PPIL2: variants seen among roughly 807,000 people sequenced by gnomAD.
PPIL2 encodes RING-type E3 ubiquitin-protein ligase PPIL2.
PPIL2 carries 50 observed loss-of-function variants against 75.2 expected under a neutral mutation model. The observed-to-expected ratio is 0.66, with a 90% CI of 0.53 to 0.84. PPIL2 has a LOEUF of 0.84. Among genes scored for constraint, PPIL2 ranks in the 40% least tolerant of loss-of-function variants. PPIL2 has a pLI of 0.00. For synonymous variants in PPIL2, 245 were observed against 258.8 expected (o/e 0.95, Z 0.51); for missense variants, 590 against 685.0 (o/e 0.86, Z 1.55).
At chr22:21,669,351 G>A (rs1224731982) in intron 1 of PPIL2, 2 of 452,800 alleles carry the variant, frequency 4.4e-6, no homozygotes, top group Admixed American at 4.7e-5. Context: ...TTCTCGCTTT[G>A]TTGCCCCAGC....
At chr22:21,694,485 C>T in intron 16 of PPIL2, 108 bp from the exon 17 acceptor site, 1 of 1,283,344 alleles carries the variant, frequency 7.8e-7, no homozygotes, top group East Asian at 2.4e-5. Flanking sequence ...CAAGGACCAC[C>T]AGGCCAGCCT....
At chr22:21,678,595 C>T (rs887142881) in intron 6 of PPIL2, among the ~76,000 whole-genome samples, 2 of 152,204 alleles carry the variant, frequency 1.3e-5, no homozygotes, top group African/African-American at 4.8e-5. Context: ...ATACGCCTCC[C>T]CTGTGCCCAT....
chr22:21,668,362 C>T (rs986578781), intron 1 of PPIL2, among the ~76,000 whole-genome samples: 2 of 151,790 alleles, frequency 1.3e-5, no homozygotes, highest in East Asian at 4.0e-4. Flanking sequence ...CACGGTGGCT[C>T]ACACCTGTAA....
intron 1 of PPIL2, among the ~76,000 whole-genome samples, chr22:21,668,604 G>A (rs1235190699): frequency 6.8e-6 from 1 of 147,530 alleles, no homozygotes; most frequent in Non-Finnish European, 1.5e-5. Flanking sequence ...ACTCCAGCCT[G>A]GGCAGCGAGC....
At chr22:21,692,523 T>C (rs35122624) in intron 15 of PPIL2, among the ~76,000 whole-genome samples, 52,133 of 150,916 alleles carry the variant, frequency 0.35, 9,273 homozygotes, top group East Asian at 0.43. Context: ...CTTGTTGCTT[T>C]CTAGTTACCA....
intron 19 of PPIL2, 156 bp downstream of exon 19, chr22:21,695,226 G>T: frequency 7.5e-7 from 1 of 1,342,256 alleles, no homozygotes; most frequent in Non-Finnish European, 9.9e-7. Flanking sequence ...GACTGCCTCT[G>T]AAGGCCTGGC....
intron 12 of PPIL2, 27 bp from the exon 13 acceptor site, chr22:21,687,616 C>A: frequency 4.8e-6 from 5 of 1,033,584 alleles, no homozygotes; most frequent in Non-Finnish European, 7.0e-6. Context: ...CTCTCTGCTT[C>A]ATACAAGTAT....
chr22:21,693,914 T>C lies in PPIL2; in HGVS notation c.1196+42T>C, dbSNP rs760526943. ...TGTGAAGCCTGGGGGGTCAGTGGGC[T>C]AGGTGGGTTCCTTCCCCACCTGAGG... On this transcript the variant is annotated intron_variant, in intron 16 of 19. Coordinates refer to ENST00000398831, the MANE Select transcript of PPIL2 (RefSeq NM_014337.4). The C allele has an allele frequency of 6.6e-6, 10 of 1,520,772 alleles. No homozygotes were observed. The Admixed American group carries it at 1.7e-4, about 25-fold the overall frequency. The allele number at this position is 1,520,772 out of a possible 1,614,324, so 94.2% of individuals were successfully genotyped here.
chr22:21,674,874 T>C (rs1048915889), intron 5 of PPIL2, among the ~76,000 whole-genome samples, 190 bp from the exon 6 acceptor site: 3 of 152,172 alleles, frequency 2.0e-5, no homozygotes, highest in African/African-American at 7.2e-5. Context: ...GGGTGCCACA[T>C]AAACACAACT....
Position 21,695,080 on chromosome 22 carries a change from G to A in PPIL2, c.1466+10G>A, listed in dbSNP as rs861820. On this transcript the variant is annotated intron_variant, in intron 19 of 19. Coordinates refer to ENST00000398831, the MANE Select transcript of PPIL2 (RefSeq NM_014337.4). Reference sequence around the variant, plus strand: ...TCAACCCAGCAGCCACGTGAGTGCCGCGGGGCTGGCCTCCCTGTTTCCCAT... The same window carrying A: ...TCAACCCAGCAGCCACGTGAGTGCCACGGGGCTGGCCTCCCTGTTTCCCAT... 9.4e-6 allele frequency: 15 copies of A among 1,593,142 alleles called. No individual in the cohort carries two copies. Among genetic ancestry groups the A allele is most frequent in the Middle Eastern group, 1.7e-4 (1 of 5,802 alleles).
At chr22:21,666,250 C>T in intron 1 of PPIL2, 119 bp downstream of exon 1, 2 of 1,215,290 alleles carry the variant, frequency 1.6e-6, no homozygotes, top group Non-Finnish European at 2.3e-6. Flanking sequence ...CCAAAGGTCA[C>T]TTCCTCCCGG....
At chr22:21,668,449 A>AC (rs2066479569) in intron 1 of PPIL2, among the ~76,000 whole-genome samples, 1 of 150,970 alleles carries the variant, frequency 6.6e-6, no homozygotes, top group South Asian at 2.1e-4. Flanking sequence ...ACACGGTGAA[A>AC]CCCCATCTCT....
In PPIL2 at chr22:21,682,433, A is replaced by G. The variant is rs2067166627; in HGVS notation, c.388-4A>G. On this transcript the variant is annotated splice_polypyrimidine_tract_variant and splice_region_variant and intron_variant, in intron 7 of 19. Transcript: ENST00000398831. ...ATCGTAAAACCACTTCCTCCTGGCT[A>G]TAGGCAGTGGAACAGCTAAATATCA... is the stretch of plus-strand genomic sequence containing the variant. 9 of 1,612,888 alleles carry G rather than the reference A, an allele frequency of 5.6e-6. No individual in the cohort carries two copies. The East Asian group carries it at 1.3e-4, about 24-fold the overall frequency.
chr22:21,673,915 G>C (rs1018782868), intron 5 of PPIL2, among the ~76,000 whole-genome samples: 6 of 151,774 alleles, frequency 4.0e-5, no homozygotes, highest in African/African-American at 1.5e-4. Context: ...GCCCTCTGGT[G>C]GTCTCCTCCA....
intron 14 of PPIL2, 115 bp from the exon 15 acceptor site, chr22:21,688,617 C>A: frequency 2.0e-6 from 2 of 979,442 alleles, no homozygotes; most frequent in Non-Finnish European, 3.2e-6. Flanking sequence ...TATCAAGTGC[C>A]CCTGCCCCAG....
At position 21,696,602 on chromosome 22, in the gene PPIL2, T is replaced by C. The variant is rs1390889494; in HGVS notation, c.*1112T>C. ...GCCAGTGGTCAGTGTTCTCATGTCA[T>C]GGACTCTCCTTGCCTGACACTTGCC... On this transcript the variant is annotated 3_prime_UTR_variant, in exon 20 of 20. Coordinates refer to ENST00000398831, the MANE Select transcript of PPIL2 (RefSeq NM_014337.4). 36 of 1,473,752 alleles carry C rather than the reference T, an allele frequency of 2.4e-5. No individual in the cohort carries two copies. The South Asian group carries it at 3.0e-4, about 12-fold the overall frequency. 91.3% of individuals were successfully genotyped at this position (1,473,752 alleles called of 1,614,324 possible).
rs570158301 is a variant in PPIL2, at chr22:21,692,413, C to A, written c.1140-1403C>A. Among the ~76,000 whole-genome samples the A allele has an allele frequency of 4.0e-5, 6 of 151,812 alleles. 1 individual carries two copies. Among genetic ancestry groups the A allele is most frequent in the East Asian group, 2.0e-4 (1 of 5,070 alleles). On this transcript the variant is annotated intron_variant, in intron 15 of 19. Coordinates refer to ENST00000398831, the MANE Select transcript of PPIL2 (RefSeq NM_014337.4). ...TTGTGATCCGCCCACCTTGGCCTCC[C>A]AAAGTGCTGGGATTACAGGCGTGAG... is the stretch of plus-strand genomic sequence containing the variant.
chr22:21,682,601 C>CCGATCCCCTA, intron 8 of PPIL2, 75 bp downstream of exon 8: 1 of 1,264,024 alleles, frequency 7.9e-7, no homozygotes, highest in Non-Finnish European at 1.1e-6. Flanking sequence ...AGGGCCCTAC[C>CCGATCCCCTA]CCCACGTCAG....
rs2067275720 is a variant in PPIL2 at position 21,684,607 on chromosome 22, G to A, written c.554-146G>A. 5 of 956,136 alleles carry A rather than the reference G, an allele frequency of 5.2e-6. 1 individual carries two copies. The highest frequency in any genetic ancestry group is 7.7e-6 in the Non-Finnish European group (5 of 653,380). 59.2% of individuals were successfully genotyped at this position (956,136 alleles called of 1,614,324 possible). On this transcript the variant is annotated intron_variant, in intron 9 of 19. Coordinates refer to ENST00000398831, the MANE Select transcript of PPIL2 (RefSeq NM_014337.4). The stretch of plus-strand genomic sequence containing the variant: ...GGGAGACCTTCAGGCCTGTAGCGGG[G>A]CACTGTGGCATTCTGTGGCTGGCAG...
Sources: gnomAD v4.1 joint callset for allele counts (sites outside exome capture counted in the v4.1 genomes callset) on GRCh38, gnomAD v4.1.1 for gene constraint, MANE v1.5 for transcripts, NCBI Gene and HGNC (gene_info 2026-07-23, HGNC 2026-07-21) for gene names.